GALNT18: variants seen among roughly 807,000 people sequenced by gnomAD.
The protein encoded by GALNT18 is polypeptide N-acetylgalactosaminyltransferase 18.
A neutral mutation model predicts 69.5 loss-of-function variants in GALNT18; 44 were observed. The ratio of observed to expected loss-of-function variants is 0.63; its 90% CI spans 0.50 to 0.81. The LOEUF is 0.81. GALNT18 is among the 40% of genes least tolerant of loss of function. The pLI is 0.00. For synonymous variants in GALNT18, 364 were observed against 318.2 expected, an observed-to-expected ratio of 1.14 and a Z score of -1.53; for missense variants, 715 against 810.0, an observed-to-expected ratio of 0.88 and a Z score of 1.42.
At chr11:11,272,825 C>T (rs1272289905) in intron 10 of GALNT18, among the ~76,000 whole-genome samples, 2 of 152,122 alleles carry the variant, frequency 1.3e-5, no homozygotes, top group African/African-American at 4.8e-5. Flanking sequence ...GTGGGAAGTG[C>T]ACTGAGAGAG....
intron 1 of GALNT18, among the ~76,000 whole-genome samples, chr11:11,585,057 T>G (rs1479781081): frequency 6.6e-6 from 1 of 152,224 alleles, no homozygotes; most frequent in Non-Finnish European, 1.5e-5. Context: ...TAATAAAATA[T>G]GTCCACATTT....
At chr11:11,364,496 C>T (rs1359792194) in intron 6 of GALNT18, among the ~76,000 whole-genome samples, 1 of 151,526 alleles carries the variant, frequency 6.6e-6, no homozygotes, top group Non-Finnish European at 1.5e-5. Context: ...AAAATCTAGA[C>T]TGTGAGAATC....
At chr11:11,272,384 T>TGG in intron 10 of GALNT18, among the ~76,000 whole-genome samples, 1 of 152,314 alleles carries the variant, frequency 6.6e-6, no homozygotes, top group South Asian at 2.1e-4. Flanking sequence ...AGCTCCCTAA[T>TGG]GGATCTCCCT....
chr11:11,304,964 G>A (rs1849555816), intron 9 of GALNT18, among the ~76,000 whole-genome samples: 1 of 152,234 alleles, frequency 6.6e-6, no homozygotes, highest in South Asian at 2.1e-4. Context: ...CTTGTTGTAA[G>A]CCACTGAGAT....
rs987334423 is a variant in GALNT18, at chr11:11,541,494, G to A, written c.235+79865C>T. ...GTGATCTTTCTAGACCACAAACCTC[G>A]TCATGCCACTTTCTACTTAAAATTC... On this transcript the variant is annotated intron_variant, in intron 1 of 10. Coordinates refer to ENST00000227756, the MANE Select transcript of GALNT18 (RefSeq NM_198516.3). The surrounding 1 kb of genome is among the most constrained non-coding windows in gnomAD (Gnocchi z 4.8). 1.3e-5 allele frequency among the ~76,000 whole-genome samples: 2 copies of A among 152,070 alleles called. No individual in the cohort carries two copies. The highest frequency in any genetic ancestry group is 4.8e-5 in the African/African-American group (2 of 41,398).
rs114423391 is a variant in GALNT18, at chr11:11,534,022, G to A, written c.236-85086C>T. Among the ~76,000 whole-genome samples, 249 of 152,290 alleles carry A rather than the reference G, an allele frequency of 1.6e-3. 2 individuals are homozygous for A. Among genetic ancestry groups the A allele is most frequent in the African/African-American group, 5.4e-3 (226 of 41,562 alleles). The stretch of plus-strand genomic sequence containing the variant: ...GTGCCAGCACTATGCATCATCTCAC[G>A]CAGCCTCATCACACCCCATGCTAGC... On this transcript the variant is annotated intron_variant, in intron 1 of 10. Transcript: ENST00000227756.
intron 1 of GALNT18, among the ~76,000 whole-genome samples, chr11:11,477,074 G>C (rs1353760985): frequency 6.6e-6 from 1 of 152,196 alleles, no homozygotes; most frequent in Non-Finnish European, 1.5e-5. Context: ...CTACAGAATA[G>C]ATTTGGGTTC....
At chr11:11,557,829 G>GTT (rs1235001156) in intron 1 of GALNT18, among the ~76,000 whole-genome samples, 1 of 152,216 alleles carries the variant, frequency 6.6e-6, no homozygotes, top group African/African-American at 2.4e-5. Context: ...CCACCAAGAG[G>GTT]ATGCTCCAAC....
At chr11:11,405,446 G>A (rs1313337063) in intron 3 of GALNT18, among the ~76,000 whole-genome samples, 1 of 152,186 alleles carries the variant, frequency 6.6e-6, no homozygotes, top group Admixed American at 6.5e-5. Context: ...AGATGGAGGT[G>A]GAAGGGTGTC....
At position 11,293,155 on chromosome 11, in the gene GALNT18, G is replaced by A. The variant is rs568876193; in HGVS notation, c.1551C>T (p.Gly517=). The A allele has an allele frequency of 1.5e-6, 2 of 1,348,048 alleles. No homozygotes were observed. The highest frequency in any genetic ancestry group is 4.7e-5 in the South Asian group (2 of 42,138). The allele number at this position is 1,348,048 out of a possible 1,614,324, so 83.5% of individuals were successfully genotyped here. Residue 517 remains glycine, a synonymous_variant, in exon 10 of 11, where the codon GGC becomes GGT. Coordinates refer to ENST00000227756, the MANE Select transcript of GALNT18 (RefSeq NM_198516.3). ...YYTSSQQIHV[G]ILSPTVDDDD... is the part of the protein sequence containing the mutation. Reference sequence around the variant, plus strand: ...CATCATCCACGGTGGGGCTCAGAATGCCCACATGGATCTGCTGACTGCTCG... The same window carrying A: ...CATCATCCACGGTGGGGCTCAGAATACCCACATGGATCTGCTGACTGCTCG...
intron 1 of GALNT18, among the ~76,000 whole-genome samples, chr11:11,608,195 A>C (rs1012610191): frequency 9.2e-5 from 14 of 152,188 alleles, no homozygotes; most frequent in Non-Finnish European, 1.8e-4. Context: ...TAAATCTGAT[A>C]TACTAGGTGT....
intron 1 of GALNT18, among the ~76,000 whole-genome samples, chr11:11,612,289 C>CA (rs1859926623): frequency 6.6e-6 from 1 of 152,208 alleles, no homozygotes; most frequent in South Asian, 2.1e-4. Flanking sequence ...CATGCCTGGG[C>CA]AGCACCTGGG....
At chr11:11,275,211 T>G (rs1156381673) in intron 10 of GALNT18, among the ~76,000 whole-genome samples, 2 of 152,336 alleles carry the variant, frequency 1.3e-5, no homozygotes, top group African/African-American at 4.8e-5. Context: ...CATCTGTTGT[T>G]TCCTGACTTT....
chr11:11,350,220 C>T (rs1406857911), intron 6 of GALNT18, among the ~76,000 whole-genome samples: 1 of 152,216 alleles, frequency 6.6e-6, no homozygotes, highest in African/African-American at 2.4e-5. Flanking sequence ...AGAGGGGCAA[C>T]AGTAATGTGT....
chr11:11,400,866 A>G (rs1272597243), intron 3 of GALNT18, among the ~76,000 whole-genome samples: 1 of 151,842 alleles, frequency 6.6e-6, no homozygotes, highest in African/African-American at 2.4e-5. Flanking sequence ...ATCTCTTTCT[A>G]TTGGGACCGT....
intron 6 of GALNT18, among the ~76,000 whole-genome samples, chr11:11,367,753 G>T (rs1376550181): frequency 2.0e-5 from 3 of 152,196 alleles, no homozygotes; most frequent in African/African-American, 7.2e-5. Context: ...GTTTCTCCAT[G>T]TCCGTTCCAT....
At chr11:11,568,350 T>C (rs529014302) in intron 1 of GALNT18, among the ~76,000 whole-genome samples, 1 of 151,996 alleles carries the variant, frequency 6.6e-6, no homozygotes, top group Non-Finnish European at 1.5e-5. Context: ...TGCACCTATG[T>C]CCTGTGGCTC....
chr11:11,336,310 A>G (rs1265101482), intron 7 of GALNT18, among the ~76,000 whole-genome samples: 1 of 152,182 alleles, frequency 6.6e-6, no homozygotes. Context: ...CTGCTAAGGG[A>G]GCAGGTGAGA....
rs1854529476 is a variant in GALNT18, at chr11:11,404,012, T to G, written c.596-24748A>C. Among the ~76,000 whole-genome samples the G allele has an allele frequency of 6.6e-6, 1 of 152,174 alleles. No individual in the cohort carries two copies. The highest frequency in any genetic ancestry group is 1.5e-5 in the Non-Finnish European group (1 of 68,022). On this transcript the variant is annotated intron_variant, in intron 3 of 10. Transcript: ENST00000227756. The surrounding 1 kb of genome is among the most constrained non-coding windows in gnomAD (Gnocchi z 4.5). Reference sequence around the variant, plus strand: ...CCTATTCCAGAGGAGTCATGTGCAGTGGGCAGGATCCAGGCAGCCTGGCTC... The same window carrying G: ...CCTATTCCAGAGGAGTCATGTGCAGGGGGCAGGATCCAGGCAGCCTGGCTC...
Sources: gnomAD v4.1 joint callset for allele counts (sites outside exome capture counted in the v4.1 genomes callset) on GRCh38, gnomAD v4.1.1 for gene constraint, Gnocchi (gnomAD v3.1) non-coding constraint, MANE v1.5 for transcripts, NCBI Gene and HGNC (gene_info 2026-07-23, HGNC 2026-07-21) for gene names.